Variants in METTL15 observed in about 807,000 individuals in gnomAD.
The protein encoded by METTL15 is methyltransferase 15, mitochondrial 12S rRNA N4-cytidine.
In METTL15, 34 loss-of-function variants were observed where a neutral mutation model predicts 38.3. The ratio of observed to expected loss-of-function variants is 0.89; its 90% CI spans 0.68 to 1.18. METTL15 has a LOEUF of 1.18. Ranked by LOEUF, METTL15 falls within the 50% of genes most tolerant of loss-of-function variation. METTL15 has a pLI of 0.00. For missense variants in METTL15, 438 were observed against 498.4 expected, an observed-to-expected ratio of 0.88 and a Z score of 1.15; for synonymous variants, 162 against 170.9, an observed-to-expected ratio of 0.95 and a Z score of 0.41.
In METTL15 at chr11:28,110,350, T is replaced by C. The variant is rs1233236077; in HGVS notation, c.-69T>C. Reference sequence around the variant, plus strand: ...GCATTCAGGTTCTCCTGGACCGTAGTGGTAGTCGCTGGCCCGAGTTAGAGG... The same window carrying C: ...GCATTCAGGTTCTCCTGGACCGTAGCGGTAGTCGCTGGCCCGAGTTAGAGG... On this transcript the variant is annotated 5_prime_UTR_variant, in exon 2 of 7. Transcript: ENST00000407364. 6.6e-6 allele frequency: 1 copy of C among 152,104 alleles called. No homozygotes were observed. Among genetic ancestry groups the C allele is most frequent in the East Asian group, 1.9e-4 (1 of 5,162 alleles). The allele number at this position is 152,104 out of a possible 1,614,324, so 9.4% of individuals were successfully genotyped here. A position where few individuals can be genotyped will look rare whatever the true frequency, so the allele number is the denominator to read the frequency against.
At chr11:28,270,478 C>CT (rs1205346180) in intron 4 of METTL15, among the ~76,000 whole-genome samples, 2 of 152,106 alleles carry the variant, frequency 1.3e-5, no homozygotes, top group Admixed American at 1.3e-4. Context: ...AGTTCCAACT[C>CT]TAAAAGTAGT....
chr11:28,417,887 A>C (rs1850786888), intron 5 of METTL15, among the ~76,000 whole-genome samples: 1 of 151,936 alleles, frequency 6.6e-6, no homozygotes, highest in Non-Finnish European at 1.5e-5. Flanking sequence ...CATCTAAACT[A>C]TTTTTGGTGA....
At chr11:28,441,012 G>A (rs1188148758) in intron 6 of METTL15, among the ~76,000 whole-genome samples, 1 of 151,300 alleles carries the variant, frequency 6.6e-6, no homozygotes, top group Non-Finnish European at 1.5e-5. Flanking sequence ...TTTTTTTTGT[G>A]GGGGCGGGGC....
At chr11:28,216,380 G>A (rs1226660853) in intron 4 of METTL15, among the ~76,000 whole-genome samples, 1 of 152,036 alleles carries the variant, frequency 6.6e-6, no homozygotes, top group African/African-American at 2.4e-5. Context: ...TGAGAAAATG[G>A]TGCATAATTA....
chr11:28,511,323 G>A lies in METTL15; in HGVS notation c.*425-15155G>A, dbSNP rs141257490. 3.1e-3 allele frequency among the ~76,000 whole-genome samples: 476 copies of A among 152,274 alleles called. 1 individual carries two copies. The highest frequency in any genetic ancestry group is 0.011 in the African/African-American group (465 of 41,550). On this transcript the variant is annotated intron_variant and NMD_transcript_variant, in intron 6 of 7. Coordinates refer to the METTL15 transcript ENST00000532947. ...TTAACATGTATTTTGTATGTCACAT[G>A]TATTATATATACTGTATTTTTACAA...
intron 4 of METTL15, among the ~76,000 whole-genome samples, chr11:28,213,229 G>T (rs1041431329): frequency 2.8e-4 from 43 of 152,088 alleles, no homozygotes; most frequent in African/African-American, 9.9e-4. Context: ...ATCAGAGTAA[G>T]CCAAGAAGAA....
intron 6 of METTL15, among the ~76,000 whole-genome samples, chr11:28,328,687 T>C (rs958251032): frequency 2.0e-5 from 3 of 152,130 alleles, no homozygotes; most frequent in Non-Finnish European, 4.4e-5. Context: ...ATGCCAGTGG[T>C]TATAAGCTTA....
chr11:28,316,483 C>T (rs1237539638), intron 6 of METTL15, among the ~76,000 whole-genome samples: 2 of 152,216 alleles, frequency 1.3e-5, no homozygotes, highest in East Asian at 3.8e-4. Flanking sequence ...AGGGACTTAA[C>T]TTGCCTTGTC....
At chr11:28,188,688 G>A (rs1222443105) in intron 3 of METTL15, among the ~76,000 whole-genome samples, 2 of 151,070 alleles carry the variant, frequency 1.3e-5, no homozygotes, top group Non-Finnish European at 3.0e-5. Context: ...TTAGAGTTTT[G>A]CTGCCCTGCG....
chr11:28,389,297 T>C (rs577802265), intron 5 of METTL15, among the ~76,000 whole-genome samples: 24 of 151,228 alleles, frequency 1.6e-4, no homozygotes, highest in African/African-American at 4.4e-4. Flanking sequence ...TAGTTACATA[T>C]GTATACATGT....
At chr11:28,255,733 C>T (rs1004169352) in intron 4 of METTL15, among the ~76,000 whole-genome samples, 6 of 152,188 alleles carry the variant, frequency 3.9e-5, no homozygotes, top group African/African-American at 9.6e-5. Flanking sequence ...GACGGAGTTT[C>T]GCTCTTGTTG....
intron 6 of METTL15, among the ~76,000 whole-genome samples, chr11:28,445,620 T>C (rs754783699): frequency 2.6e-5 from 4 of 152,120 alleles, no homozygotes; most frequent in Non-Finnish European, 5.9e-5. Flanking sequence ...TTACATGATA[T>C]TGGCATTTTT....
intron 3 of METTL15, chr11:28,134,680 C>A: frequency 2.5e-6 from 1 of 398,094 alleles, no homozygotes; most frequent in South Asian, 1.3e-4. Flanking sequence ...ATGGCATGTC[C>A]ATGCATGGTT....
chr11:28,502,605 CT>C (rs1222942462), intron 6 of METTL15, among the ~76,000 whole-genome samples: 1 of 152,178 alleles, frequency 6.6e-6, no homozygotes, highest in African/African-American at 2.4e-5. Flanking sequence ...CTGACATTTT[CT>C]TTGCATATTT....
At chr11:28,247,725 C>A (rs1355067679) in intron 4 of METTL15, among the ~76,000 whole-genome samples, 3 of 152,036 alleles carry the variant, frequency 2.0e-5, no homozygotes, top group African/African-American at 7.2e-5. Flanking sequence ...GTCTTTGTCC[C>A]ATAATCAACT....
intron 3 of METTL15, among the ~76,000 whole-genome samples, chr11:28,174,382 C>T (rs1385207517): frequency 1.3e-5 from 2 of 152,106 alleles, no homozygotes; most frequent in Non-Finnish European, 1.5e-5. Flanking sequence ...TTATCTAATA[C>T]CGCATTGTTT....
chr11:28,191,778 A>G (rs1341819197), intron 3 of METTL15, among the ~76,000 whole-genome samples: 1 of 151,744 alleles, frequency 6.6e-6, no homozygotes, highest in Non-Finnish European at 1.5e-5. Context: ...TGTGAAAACT[A>G]GTAGTCAGAA....
intron 4 of METTL15, among the ~76,000 whole-genome samples, chr11:28,254,395 G>A (rs963588145): frequency 6.6e-6 from 1 of 152,136 alleles, no homozygotes; most frequent in East Asian, 1.9e-4. Flanking sequence ...CCCTTGTCAG[G>A]TGGGTAGTTC....
At chr11:28,437,367 G>T (rs1176125680) in intron 6 of METTL15, among the ~76,000 whole-genome samples, 1 of 152,124 alleles carries the variant, frequency 6.6e-6, no homozygotes, top group African/African-American at 2.4e-5. Context: ...CAAATATTAG[G>T]TGCTTAATAG....
Sources: gnomAD v4.1 joint callset for allele counts (sites outside exome capture counted in the v4.1 genomes callset) on GRCh38, gnomAD v4.1.1 for gene constraint, MANE v1.5 for transcripts, NCBI Gene and HGNC (gene_info 2026-07-23, HGNC 2026-07-21) for gene names.